The following TMEFF1 variants were observed in gnomAD, a reference collection of about 807,000 sequenced individuals.
TMEFF1 encodes transmembrane protein with EGF like and two follistatin like domains 1.
In TMEFF1, 20 loss-of-function variants were observed where a neutral mutation model predicts 47.5. The ratio of observed to expected loss-of-function variants is 0.42; its 90% CI spans 0.30 to 0.61. The LOEUF is 0.61. Ranked by LOEUF, TMEFF1 falls within the 20% of genes least tolerant of loss-of-function variation. The pLI is 0.19. For synonymous variants in TMEFF1, 162 were observed against 166.3 expected, an observed-to-expected ratio of 0.97 and a Z score of 0.20; for missense variants, 411 against 471.1, an observed-to-expected ratio of 0.87 and a Z score of 1.18.
At chr9:100,511,319 G>T (rs1837961040) in intron 3 of TMEFF1, among the ~76,000 whole-genome samples, 2 of 152,148 alleles carry the variant, frequency 1.3e-5, no homozygotes, top group African/African-American at 4.8e-5. Flanking sequence ...CAGCAAAGTG[G>T]TAGATTGGGA....
intron 9 of TMEFF1, among the ~76,000 whole-genome samples, chr9:100,575,127 T>C (rs1478000330): frequency 6.6e-6 from 1 of 152,192 alleles, no homozygotes; most frequent in Non-Finnish European, 1.5e-5. Flanking sequence ...TGTACTTGGA[T>C]TTATTTCCAT....
At chr9:100,549,416 G>A (rs781562063) in intron 6 of TMEFF1, among the ~76,000 whole-genome samples, 4 of 152,142 alleles carry the variant, frequency 2.6e-5, no homozygotes, top group Non-Finnish European at 4.4e-5. Context: ...AATTAGACAC[G>A]GCATTTGGGC....
chr9:100,546,006 C>T (rs1306676078), intron 5 of TMEFF1, among the ~76,000 whole-genome samples: 1 of 152,174 alleles, frequency 6.6e-6, no homozygotes, highest in African/African-American at 2.4e-5. Context: ...CAACCAGTCT[C>T]TAGGAAGTTC....
chr9:100,554,044 T>G (rs1165143588), intron 7 of TMEFF1, among the ~76,000 whole-genome samples: 1 of 152,180 alleles, frequency 6.6e-6, no homozygotes, highest in Admixed American at 6.5e-5. Context: ...ACCCTTTTTA[T>G]TATTATGAAG....
intron 1 of TMEFF1, among the ~76,000 whole-genome samples, chr9:100,479,294 C>T (rs1308931610): frequency 3.3e-5 from 5 of 152,124 alleles, no homozygotes; most frequent in Non-Finnish European, 7.4e-5. Context: ...GGTGGTTAGC[C>T]TCTTACAGAT....
At chr9:100,557,872 T>C (rs1417938825) in intron 7 of TMEFF1, among the ~76,000 whole-genome samples, 1 of 151,584 alleles carries the variant, frequency 6.6e-6, no homozygotes, top group Non-Finnish European at 1.5e-5. Flanking sequence ...TAGCTGAGCA[T>C]GTAGCTATGT....
chr9:100,533,295 C>T (rs955753295), intron 5 of TMEFF1, among the ~76,000 whole-genome samples: 25 of 151,962 alleles, frequency 1.6e-4, no homozygotes, highest in African/African-American at 5.1e-4. Context: ...TTAAGAACAA[C>T]TGATTTAGTT....
At chr9:100,553,144 T>C (rs1008905513) in intron 7 of TMEFF1, among the ~76,000 whole-genome samples, 3 of 152,146 alleles carry the variant, frequency 2.0e-5, no homozygotes, top group Non-Finnish European at 2.9e-5. Flanking sequence ...AGGACTAAAC[T>C]ATGCTTGAAT....
intron 6 of TMEFF1, 51 bp downstream of exon 6, chr9:100,547,943 G>A (rs977746819): frequency 7.0e-7 from 1 of 1,421,704 alleles, no homozygotes; most frequent in Non-Finnish European, 9.2e-7. Context: ...TTGTATAAAT[G>A]TAATCTTATT....
intron 5 of TMEFF1, among the ~76,000 whole-genome samples, chr9:100,538,345 T>C (rs562257758): frequency 2.0e-4 from 30 of 152,346 alleles, no homozygotes; most frequent in African/African-American, 6.5e-4. Flanking sequence ...CGTGAGCCTC[T>C]GTGCCCGGCC....
At chr9:100,530,509 A>G (rs1003619595) in intron 5 of TMEFF1, among the ~76,000 whole-genome samples, 16 of 152,360 alleles carry the variant, frequency 1.1e-4, no homozygotes, top group Non-Finnish European at 1.9e-4. Flanking sequence ...ATTCCTCGAC[A>G]CATACACCCT....
rs575716531 is a variant in TMEFF1, at chr9:100,501,708, G to A, written c.306+2834G>A. Among the ~76,000 whole-genome samples the A allele has an allele frequency of 2.4e-3, 366 of 152,046 alleles. 2 individuals are homozygous for A. Among genetic ancestry groups the A allele is most frequent in the African/African-American group, 8.2e-3 (339 of 41,482 alleles). Reference sequence around the variant, plus strand: ...TTGCCAGGCTGGAGTGCAGTGGTGCGATCGTGGCTCACTGCAACCTCCGCC... The same window carrying A: ...TTGCCAGGCTGGAGTGCAGTGGTGCAATCGTGGCTCACTGCAACCTCCGCC... On this transcript the variant is annotated intron_variant, in intron 2 of 9. Coordinates refer to ENST00000374879, the MANE Select transcript of TMEFF1 (RefSeq NM_003692.5).
At chr9:100,571,042 G>C (rs898564777) in intron 8 of TMEFF1, among the ~76,000 whole-genome samples, 1 of 152,108 alleles carries the variant, frequency 6.6e-6, no homozygotes, top group Non-Finnish European at 1.5e-5. Flanking sequence ...TTGGAATTCA[G>C]ATAATTTCCA....
At chr9:100,492,918 A>G (rs868501506) in intron 1 of TMEFF1, among the ~76,000 whole-genome samples, 1 of 152,180 alleles carries the variant, frequency 6.6e-6, no homozygotes, top group Non-Finnish European at 1.5e-5. Context: ...AGGTTCCTCT[A>G]CTGAAATGGA....
At chr9:100,504,699 A>G (rs1199323594) in intron 2 of TMEFF1, among the ~76,000 whole-genome samples, 1 of 152,230 alleles carries the variant, frequency 6.6e-6, no homozygotes, top group African/African-American at 2.4e-5. Flanking sequence ...GCTAGCCCAT[A>G]GTCACATGGT....
intron 5 of TMEFF1, among the ~76,000 whole-genome samples, chr9:100,533,539 T>C (rs764988865): frequency 6.6e-6 from 1 of 152,140 alleles, no homozygotes; most frequent in East Asian, 1.9e-4. Flanking sequence ...CAGAAAAGCT[T>C]GCGTTATCAA....
At chr9:100,503,535 AACACACACACACACACACACACACACAC>A (rs66485935) in intron 2 of TMEFF1, among the ~76,000 whole-genome samples, 1 of 143,938 alleles carries the variant, frequency 6.9e-6, no homozygotes, top group Non-Finnish European at 1.5e-5. Context: ...GAGAAACAGA[AACACACACACACACACACACACACACAC>A]ACACACACAC....
At position 100,543,704 on chromosome 9, in the gene TMEFF1, A is replaced by AAAAAAC. The variant is rs1038685574; in HGVS notation, c.561-4039_561-4038insAAAACA. On this transcript the variant is annotated intron_variant, in intron 5 of 9. Coordinates refer to ENST00000374879, the MANE Select transcript of TMEFF1 (RefSeq NM_003692.5). ...AACACTAACATAGCTGATGAAGTAAAACACACACACACACACACACACACA... is the reference window on the plus strand; with the variant it reads ...AACACTAACATAGCTGATGAAGTAAAAAAAACACACACACACACACACACACACACA... Among the ~76,000 whole-genome samples the AAAAAAC allele has an allele frequency of 2.9e-5, 4 of 138,936 alleles. No homozygotes were observed. In the East Asian group the frequency reaches 8.6e-4, roughly 30 times the overall value. 91.1% of individuals were successfully genotyped at this position (138,936 alleles called of 152,430 possible).
rs1201246880 is a variant in TMEFF1, at chr9:100,508,939, T to A, written c.307-66T>A. The A allele has an allele frequency of 2.8e-6, 4 of 1,438,164 alleles. No individual in the cohort carries two copies. The African/African-American group carries it at 5.8e-5, about 21-fold the overall frequency. The allele number at this position is 1,438,164 out of a possible 1,614,324, so 89.1% of individuals were successfully genotyped here. A position where few individuals can be genotyped will look rare whatever the true frequency, so the allele number is the denominator to read the frequency against. ...TCATAATGCTATGGTATTGCATTCA[T>A]GAATGTGAAATAAACTATTAATATT... On this transcript the variant is annotated intron_variant, in intron 2 of 9. Transcript: ENST00000374879.
Sources: allele counts gnomAD v4.1 joint callset (sites outside exome capture counted in the v4.1 genomes callset), GRCh38; gene constraint gnomAD v4.1.1; transcripts MANE v1.5; gene names NCBI Gene and HGNC (gene_info 2026-07-23, HGNC 2026-07-21).